Variants in RTTN observed in about 807,000 individuals in gnomAD.
The protein encoded by RTTN is rotatin.
RTTN carries 182 observed loss-of-function variants against 269.2 expected under a neutral mutation model. The observed-to-expected ratio is 0.68, with a 90% CI of 0.60 to 0.76. The LOEUF is 0.76. Ranked by LOEUF, RTTN falls within the 30% of genes least tolerant of loss-of-function variation. The pLI, the probability that RTTN is intolerant of heterozygous loss-of-function variation, is 0.00. For missense variants in RTTN, 2,545 were observed against 2,608.6 expected, an observed-to-expected ratio of 0.98 and a Z score of 0.53; for synonymous variants, 1,006 against 963.5, an observed-to-expected ratio of 1.04 and a Z score of -0.82.
At chr18:70,162,268 A>T (rs112012619) in intron 14 of RTTN, among the ~76,000 whole-genome samples, 119 of 152,292 alleles carry the variant, frequency 7.8e-4, no homozygotes, top group African/African-American at 2.5e-3. Context: ...AAAACCAAAT[A>T]CAGCACATTC....
chr18:70,090,037 G>A (rs574424674), intron 30 of RTTN, among the ~76,000 whole-genome samples: 4 of 152,292 alleles, frequency 2.6e-5, no homozygotes, highest in South Asian at 2.1e-4. Context: ...AAAAGATCAC[G>A]GGTGCAATTC....
In RTTN at chr18:70,150,022, C is replaced by G. The variant is rs1366172501; in HGVS notation, c.2121G>C (p.Leu707Phe). The G allele has an allele frequency of 1.2e-6, 2 of 1,613,362 alleles. No homozygotes were observed. The highest frequency in any genetic ancestry group is 2.2e-5 in the South Asian group (2 of 91,022). The change falls in exon 16 of 49, where the codon TTG (leucine) becomes TTC (phenylalanine). Residue 707 changes from leucine (L) to phenylalanine (F), a missense_variant. Physicochemically the swap from Leu to Phe is conservative, Grantham distance 22. Transcript: ENST00000640769. The stretch of plus-strand genomic sequence containing the variant: ...GAGATTCAATAAACTTGTTCCAGGT[C>G]AATGCTGTCATCATCAATCGTCCCT... ...LLQGRLMMTALTWNKFIESLC... is the reference protein window; with the variant it reads ...LLQGRLMMTAFTWNKFIESLC...
chr18:70,031,107 G>A, intron 40 of RTTN, 126 bp from the exon 41 acceptor site: 1 of 600,558 alleles, frequency 1.7e-6, no homozygotes, highest in Non-Finnish European at 2.8e-6. Flanking sequence ...AAATTCACTG[G>A]ATTTTGATAA....
chr18:70,142,390 A>C lies in RTTN; in HGVS notation c.2482-3T>G. 1 of 1,493,524 alleles carries C rather than the reference A, an allele frequency of 6.7e-7. No homozygotes were observed. Among genetic ancestry groups the C allele is most frequent in the Non-Finnish European group, 9.1e-7 (1 of 1,101,766 alleles). The allele number at this position is 1,493,524 out of a possible 1,614,324, so 92.5% of individuals were successfully genotyped here. On this transcript the variant is annotated splice_polypyrimidine_tract_variant and splice_region_variant and intron_variant, in intron 18 of 48. Coordinates refer to ENST00000640769, the MANE Select transcript of RTTN (RefSeq NM_173630.4). ...TATACCTTTTCAACAGTCTCCAACT[A>C]CAAACCAAAAAAAAAAAAAAACCAA...
At chr18:70,180,287 G>A (rs1426907337) in intron 10 of RTTN, among the ~76,000 whole-genome samples, 1 of 151,950 alleles carries the variant, frequency 6.6e-6, no homozygotes, top group Non-Finnish European at 1.5e-5. Flanking sequence ...TTGAGCCCAG[G>A]AGTTTGAGAC....
At chr18:70,082,572 C>A (rs2058598014) in intron 32 of RTTN, among the ~76,000 whole-genome samples, 2 of 152,220 alleles carry the variant, frequency 1.3e-5, no homozygotes, top group African/African-American at 2.4e-5. Context: ...GGAGTCTTAA[C>A]TCCTAGTCAG....
At chr18:70,042,399 G>A (rs1393536418) in intron 40 of RTTN, among the ~76,000 whole-genome samples, 11 of 118,990 alleles carry the variant, frequency 9.2e-5, no homozygotes, top group Non-Finnish European at 1.2e-4. Context: ...TTTTTGAGAC[G>A]GAGTCTCGCT....
intron 40 of RTTN, 96 bp downstream of exon 40, chr18:70,047,875 T>A: frequency 1.1e-6 from 1 of 941,172 alleles, no homozygotes; most frequent in Non-Finnish European, 1.6e-6. Flanking sequence ...TATTTCTTAA[T>A]TTAAATGACT....
Position 70,139,723 on chromosome 18 carries a change from C to A in RTTN, c.2671-7G>T, listed in dbSNP as rs1221014027. 5 of 1,561,070 alleles carry A rather than the reference C, an allele frequency of 3.2e-6. No individual in the cohort carries two copies. In the African/African-American group the frequency reaches 6.8e-5, roughly 21 times the overall value. On this transcript the variant is annotated splice_region_variant and splice_polypyrimidine_tract_variant and intron_variant, in intron 20 of 48. Transcript: ENST00000640769. ...GTACCAAACATTCTACAACCTGGGC[C>A]AGGAGGAAAAACACAGCTTTTCATT... is the stretch of plus-strand genomic sequence containing the variant.
intron 40 of RTTN, among the ~76,000 whole-genome samples, chr18:70,046,047 T>G (rs1481183265): frequency 6.6e-6 from 1 of 151,578 alleles, no homozygotes; most frequent in African/African-American, 2.4e-5. Context: ...CACAAATTCC[T>G]CTAGCACAGA....
At chr18:70,196,305 A>G (rs941807286) in intron 7 of RTTN, among the ~76,000 whole-genome samples, 196 bp downstream of exon 7, 15 of 152,280 alleles carry the variant, frequency 9.9e-5, no homozygotes, top group Admixed American at 2.6e-4. Context: ...AGAAAAAAAA[A>G]AAAAGGCTCA....
intron 33 of RTTN, among the ~76,000 whole-genome samples, chr18:70,074,274 C>G (rs563429539): frequency 2.9e-4 from 44 of 152,092 alleles, no homozygotes; most frequent in African/African-American, 9.2e-4. Flanking sequence ...CCTGAGTGTT[C>G]ACTTCTAACA....
chr18:70,165,951 T>C, intron 14 of RTTN, 111 bp downstream of exon 14: 3 of 1,036,876 alleles, frequency 2.9e-6, no homozygotes, highest in Admixed American at 5.2e-5. Context: ...TTTTATGGGA[T>C]ATAGTTCTTA....
chr18:70,042,753 T>C (rs2057383735), intron 40 of RTTN, among the ~76,000 whole-genome samples: 1 of 152,196 alleles, frequency 6.6e-6, no homozygotes, highest in Admixed American at 6.5e-5. Context: ...AGTAAATGAT[T>C]TCCAATCCAG....
chr18:70,178,792 G>A (rs781570014), intron 10 of RTTN, among the ~76,000 whole-genome samples: 1 of 152,074 alleles, frequency 6.6e-6, no homozygotes, highest in Non-Finnish European at 1.5e-5. Flanking sequence ...AATATGAATA[G>A]TGAATAATTT....
At position 70,205,290 on chromosome 18, in the gene RTTN, C is replaced by A. The variant is rs1365519263; in HGVS notation, c.57G>T (p.Glu19Asp). Residue 19 changes from glutamate (E) to aspartate (D), a missense_variant, in exon 2 of 49, where the codon GAG becomes GAT. Coordinates refer to ENST00000640769, the MANE Select transcript of RTTN (RefSeq NM_173630.4). ...TGCAGAGAATACTCTTGAGAGCGCG[C>A]TCCCTGATCTCGGCCAGCTGATGAC... is the stretch of plus-strand genomic sequence containing the variant. ...KLGHQLAEIR[E>D]RALKSILCKI... is the part of the protein sequence containing the mutation. 1 of 1,614,216 alleles carries A rather than the reference C, an allele frequency of 6.2e-7. No homozygotes were observed. The highest frequency in any genetic ancestry group is 1.1e-5 in the South Asian group (1 of 91,086).
chr18:70,052,645 T>TATATATATATAC (rs1262036172), intron 38 of RTTN, among the ~76,000 whole-genome samples: 5 of 146,936 alleles, frequency 3.4e-5, no homozygotes, highest in Non-Finnish European at 6.1e-5. Flanking sequence ...TATTTACTTA[T>TATATATATATAC]ATATATATAT....
chr18:70,166,989 C>T lies in RTTN; in HGVS notation c.1732G>A (p.Ala578Thr), dbSNP rs775277800. Reference sequence around the variant, plus strand: ...TGATGATAGGAAAAGCTACGCAAGGCTTGGTCTGCCAGCTCCACTAATTCT... The same window carrying T: ...TGATGATAGGAAAAGCTACGCAAGGTTTGGTCTGCCAGCTCCACTAATTCT... ...LLELVELADQALRSFSYHQHF... is the reference protein window; with the variant it reads ...LLELVELADQTLRSFSYHQHF... Residue 578 changes from alanine (A) to threonine (T), a missense_variant, in exon 13 of 49, where the codon GCC becomes ACC. Coordinates refer to ENST00000640769, the MANE Select transcript of RTTN (RefSeq NM_173630.4). 2 of 1,613,762 alleles carry T rather than the reference C, an allele frequency of 1.2e-6. No homozygotes were observed. Among genetic ancestry groups the T allele is most frequent in the African/African-American group, 2.7e-5 (2 of 75,028 alleles).
At chr18:70,037,998 TGGTG>T (rs2057226825) in intron 40 of RTTN, among the ~76,000 whole-genome samples, 1 of 151,898 alleles carries the variant, frequency 6.6e-6, no homozygotes, top group South Asian at 2.1e-4. Context: ...ACCGTGGTAT[TGGTG>T]GCCAAAAGGA....
Sources: gnomAD v4.1 joint callset for allele counts (sites outside exome capture counted in the v4.1 genomes callset) on GRCh38, gnomAD v4.1.1 for gene constraint, MANE v1.5 for transcripts, NCBI Gene and HGNC (gene_info 2026-07-23, HGNC 2026-07-21) for gene names.